Variants in NCKAP5 observed in about 807,000 individuals in gnomAD.
NCKAP5 encodes the protein nck-associated protein 5.
Under a neutral mutation model 167.0 loss-of-function variants are expected in NCKAP5, and 92 were observed. That is an observed-to-expected ratio of 0.55 (90% CI 0.47 to 0.66). The LOEUF is 0.66. Among genes scored for constraint, NCKAP5 ranks in the 30% least tolerant of loss-of-function variants. NCKAP5 has a pLI of 0.00. For synonymous variants in NCKAP5, 891 were observed against 877.4 expected, an observed-to-expected ratio of 1.02 and a Z score of -0.27; for missense variants, 2,378 against 2,315.0, an observed-to-expected ratio of 1.03 and a Z score of -0.56.
intron 18 of NCKAP5, among the ~76,000 whole-genome samples, chr2:132,726,659 G>T (rs186551427): frequency 1.9e-4 from 29 of 152,314 alleles, no homozygotes; most frequent in Non-Finnish European, 1.5e-5. Context: ...TTTGGTTGGG[G>T]AATGTAAAAA....
chr2:133,276,958 TTAAA>T (rs2089755255), intron 4 of NCKAP5, among the ~76,000 whole-genome samples: 1 of 152,146 alleles, frequency 6.6e-6, no homozygotes. Context: ...ACACAAGTGT[TTAAA>T]TAATCTTTGA....
At chr2:133,358,480 G>C (rs1327783405) in intron 3 of NCKAP5, among the ~76,000 whole-genome samples, 1 of 152,150 alleles carries the variant, frequency 6.6e-6, no homozygotes, top group Admixed American at 6.6e-5. Context: ...ACTCAGTGCT[G>C]ATATGGGAGA....
At chr2:132,964,045 C>T (rs772651337) in intron 7 of NCKAP5, among the ~76,000 whole-genome samples, 176 bp from the exon 8 acceptor site, 2 of 152,144 alleles carry the variant, frequency 1.3e-5, no homozygotes, top group African/African-American at 4.8e-5. Context: ...TTTTTACTGA[C>T]CCCTGGAAGG....
At chr2:132,689,555 T>G (rs1280472869) in intron 19 of NCKAP5, among the ~76,000 whole-genome samples, 2 of 152,140 alleles carry the variant, frequency 1.3e-5, no homozygotes, top group African/African-American at 2.4e-5. Context: ...CTACTCAGAG[T>G]TCATTGCTTC....
chr2:132,758,232 G>T (rs980322465), intron 16 of NCKAP5, among the ~76,000 whole-genome samples: 1 of 152,142 alleles, frequency 6.6e-6, no homozygotes, highest in African/African-American at 2.4e-5. Context: ...TGGTTTGGTC[G>T]CACTGGTGGA....
At chr2:132,740,253 T>C (rs1321373155) in intron 16 of NCKAP5, among the ~76,000 whole-genome samples, 1 of 152,218 alleles carries the variant, frequency 6.6e-6, no homozygotes, top group Non-Finnish European at 1.5e-5. Flanking sequence ...GGGTGTTTAA[T>C]ATTCATACCA....
chr2:132,842,559 T>A (rs919667192), intron 11 of NCKAP5, among the ~76,000 whole-genome samples: 12 of 152,082 alleles, frequency 7.9e-5, no homozygotes, highest in African/African-American at 2.2e-4. Context: ...TTCTTTTTTT[T>A]AAATCCTTTC....
chr2:132,680,825 G>A lies in NCKAP5; in HGVS notation c.5714-7520C>T, dbSNP rs143755448. ...AAGGCATGTAAGTTGGGATAAAATT[G>A]TTATAAGAAACACATTTGTGATTTC... On this transcript the variant is annotated intron_variant, in intron 19 of 19. Transcript: ENST00000409261. Among the ~76,000 whole-genome samples, 927 of 152,276 alleles carry A rather than the reference G, an allele frequency of 6.1e-3. 3 individuals carry two copies. The highest frequency in any genetic ancestry group is 0.01 in the Non-Finnish European group (692 of 68,004).
At chr2:133,584,993 G>GGAAGGAAGGAAGGAAA in the NCKAP5 span, among the ~76,000 whole-genome samples, 1 of 144,324 alleles carries the variant, frequency 6.9e-6, no homozygotes, top group East Asian at 2.1e-4. Flanking sequence ...AAGGAAGGAA[G>GGAAGGAAGGAAGGAAA]GAGGGAAAGA....
intron 8 of NCKAP5, among the ~76,000 whole-genome samples, chr2:132,920,771 GTATA>G (rs55895538): frequency 0.043 from 1,353 of 31,176 alleles, 73 homozygotes; most frequent in Admixed American, 0.066. Context: ...ATATATGTAT[GTATA>G]TATATATATA....
At chr2:133,297,218 C>A (rs1384620886) in intron 4 of NCKAP5, among the ~76,000 whole-genome samples, 1 of 141,826 alleles carries the variant, frequency 7.1e-6, no homozygotes, top group Non-Finnish European at 1.5e-5. Context: ...TGTTTTAAAT[C>A]AAGCAGGGAG....
At chr2:133,195,831 G>A (rs10205769) in intron 5 of NCKAP5, among the ~76,000 whole-genome samples, 76,880 of 151,938 alleles carry the variant, frequency 0.51, 19,751 homozygotes, top group African/African-American at 0.53. Flanking sequence ...GTGATATAGT[G>A]TATCTCAGGA....
intron 6 of NCKAP5, among the ~76,000 whole-genome samples, chr2:133,045,383 C>CTATA (rs1023409143): frequency 6.6e-6 from 1 of 151,268 alleles, no homozygotes; most frequent in African/African-American, 2.4e-5. Context: ...CTATATCTAT[C>CTATA]TATATATATA....
At chr2:133,530,004 T>C (rs924179096) in intron 2 of NCKAP5, among the ~76,000 whole-genome samples, 1 of 152,182 alleles carries the variant, frequency 6.6e-6, no homozygotes, top group Admixed American at 6.6e-5. Flanking sequence ...ATAATTAATT[T>C]GCAGTCAAAT....
intron 11 of NCKAP5, among the ~76,000 whole-genome samples, chr2:132,837,923 G>T (rs1285539876): frequency 6.6e-6 from 1 of 152,172 alleles, no homozygotes; most frequent in Non-Finnish European, 1.5e-5. Flanking sequence ...GTACATCTGG[G>T]TGGTGGTGTT....
chr2:133,345,310 G>A (rs953474627), intron 3 of NCKAP5, among the ~76,000 whole-genome samples: 1 of 151,482 alleles, frequency 6.6e-6, no homozygotes, highest in Non-Finnish European at 1.5e-5. Context: ...CCCTCCCCAA[G>A]TTTGCGTTTT....
chr2:133,481,095 A>T (rs1016172650), intron 3 of NCKAP5, among the ~76,000 whole-genome samples: 4 of 152,230 alleles, frequency 2.6e-5, no homozygotes, highest in Non-Finnish European at 5.9e-5. Flanking sequence ...ACATACTAAT[A>T]AAAAAATCTC....
intron 7 of NCKAP5, among the ~76,000 whole-genome samples, chr2:132,984,577 G>A (rs958210255): frequency 4.6e-5 from 7 of 152,064 alleles, no homozygotes; most frequent in African/African-American, 1.2e-4. Flanking sequence ...TGTGCTCGCC[G>A]TGCAGACAAA....
chr2:133,395,006 G>T (rs868574865), intron 3 of NCKAP5, among the ~76,000 whole-genome samples: 1 of 152,220 alleles, frequency 6.6e-6, no homozygotes, highest in Non-Finnish European at 1.5e-5. Flanking sequence ...CAGAATGCCT[G>T]CCAGTAGTAA....
Sources: gnomAD v4.1 joint callset for allele counts (sites outside exome capture counted in the v4.1 genomes callset) on GRCh38, gnomAD v4.1.1 for gene constraint, MANE v1.5 for transcripts, NCBI Gene and HGNC (gene_info 2026-07-23, HGNC 2026-07-21) for gene names.